Variants in TRDN observed in about 807,000 individuals in gnomAD.
TRDN encodes triadin in skeletal muscle.
Under a neutral mutation model 149.7 loss-of-function variants are expected in TRDN, and 161 were observed. The ratio of observed to expected loss-of-function variants is 1.08; its 90% CI spans 0.95 to 1.23. The LOEUF (loss-of-function observed/expected upper bound fraction) is 1.23. Among genes scored for constraint, TRDN ranks in the 50% most tolerant of loss-of-function variants. The pLI is 0.00. For synonymous variants in TRDN, 294 were observed against 250.5 expected (o/e 1.17, Z -1.64); for missense variants, 896 against 823.5 (o/e 1.09, Z -1.08).
intron 23 of TRDN, among the ~76,000 whole-genome samples, chr6:123,317,909 A>T (rs1779088591): frequency 6.6e-6 from 1 of 152,018 alleles, no homozygotes. Context: ...TGACTCTGCA[A>T]CTAGAGATAA....
chr6:123,604,821 A>G (rs944866301), intron 1 of TRDN, among the ~76,000 whole-genome samples: 2 of 140,944 alleles, frequency 1.4e-5, no homozygotes, highest in African/African-American at 5.1e-5. Flanking sequence ...TCTAGAAAGT[A>G]GGTAAATAAA....
At chr6:123,248,499 C>T (rs1199793025) in intron 38 of TRDN, among the ~76,000 whole-genome samples, 8 of 151,906 alleles carry the variant, frequency 5.3e-5, no homozygotes, top group Non-Finnish European at 8.8e-5. Flanking sequence ...AGAAGTTGCA[C>T]TGAGCTGAGA....
chr6:123,306,321 G>C (rs1482201142), intron 24 of TRDN, among the ~76,000 whole-genome samples: 1 of 152,060 alleles, frequency 6.6e-6, no homozygotes, highest in East Asian at 1.9e-4. Flanking sequence ...GAGACAACTA[G>C]GACAGGTTCA....
At chr6:123,460,679 G>A (rs986724372) in intron 10 of TRDN, among the ~76,000 whole-genome samples, 2 of 151,616 alleles carry the variant, frequency 1.3e-5, no homozygotes, top group Non-Finnish European at 2.9e-5. Context: ...ATATCTCACT[G>A]AGGAGCTAAG....
intron 1 of TRDN, among the ~76,000 whole-genome samples, chr6:123,618,817 TCTC>T (rs771362212): frequency 1.3e-5 from 2 of 152,180 alleles, no homozygotes; most frequent in African/African-American, 2.4e-5. Context: ...TGCTTTTTTC[TCTC>T]CTCCTCCTCT....
chr6:123,568,294 A>G (rs1782393248), intron 2 of TRDN, among the ~76,000 whole-genome samples: 1 of 152,188 alleles, frequency 6.6e-6, no homozygotes. Context: ...CACATTGTTG[A>G]GTGCCTGCAG....
chr6:123,392,952 T>C (rs937452564), intron 13 of TRDN, among the ~76,000 whole-genome samples: 2 of 152,076 alleles, frequency 1.3e-5, no homozygotes, highest in African/African-American at 4.8e-5. Context: ...GAAGAGATGA[T>C]AAAGATCTTC....
intron 9 of TRDN, among the ~76,000 whole-genome samples, chr6:123,466,142 T>C (rs1776797306): frequency 6.6e-6 from 1 of 152,186 alleles, no homozygotes; most frequent in Admixed American, 6.6e-5. Context: ...TAGAAAAATA[T>C]CCATTCATAA....
At chr6:123,554,174 T>C (rs536583269) in intron 2 of TRDN, among the ~76,000 whole-genome samples, 30 of 152,076 alleles carry the variant, frequency 2.0e-4, no homozygotes, top group Non-Finnish European at 3.8e-4. Flanking sequence ...TGGAACTAAA[T>C]TGAGGTAAAG....
intron 24 of TRDN, among the ~76,000 whole-genome samples, chr6:123,301,752 C>CATATATATATATATACAT (rs1562252153): frequency 5.2e-5 from 4 of 77,064 alleles, no homozygotes; most frequent in African/African-American, 1.8e-4. Flanking sequence ...TATATATATA[C>CATATATATATATATACAT]ATATATATAT....
rs553405317 is a variant in TRDN at position 123,595,139 on chromosome 6, T to A, written c.23-24007A>T. 2.6e-5 allele frequency among the ~76,000 whole-genome samples: 4 copies of A among 152,244 alleles called. No homozygotes were observed. The South Asian group carries it at 8.3e-4, about 31-fold the overall frequency. ...GTCCTGCAAATTATTTCTCATGAAA[T>A]TTAAACTGAGAATAATCTATAACAT... On this transcript the variant is annotated intron_variant, in intron 1 of 40. Coordinates refer to ENST00000334268, the MANE Select transcript of TRDN (RefSeq NM_006073.4).
intron 5 of TRDN, among the ~76,000 whole-genome samples, chr6:123,516,410 C>T (rs1462172827): frequency 6.6e-6 from 1 of 152,034 alleles, no homozygotes; most frequent in Non-Finnish European, 1.5e-5. Flanking sequence ...CATATCCAAG[C>T]ACAAACTAGT....
intron 12 of TRDN, among the ~76,000 whole-genome samples, chr6:123,433,164 T>A (rs895058949): frequency 0.095 from 5,400 of 57,050 alleles, 359 homozygotes; most frequent in African/African-American, 0.26. Flanking sequence ...ATATATATAA[T>A]ATATATATAT....
At chr6:123,506,022 G>A (rs1027044675) in intron 7 of TRDN, among the ~76,000 whole-genome samples, 1 of 152,000 alleles carries the variant, frequency 6.6e-6, no homozygotes, top group African/African-American at 2.4e-5. Context: ...AAACTCATAT[G>A]TTTCTGTGAC....
At chr6:123,527,714 T>C (rs1049709059) in intron 5 of TRDN, among the ~76,000 whole-genome samples, 13 of 151,828 alleles carry the variant, frequency 8.6e-5, no homozygotes, top group Admixed American at 2.6e-4. Context: ...TCTAAGCAAA[T>C]GTAATGTTCC....
At chr6:123,406,995 G>T (rs1270385059) in intron 12 of TRDN, among the ~76,000 whole-genome samples, 3 of 152,052 alleles carry the variant, frequency 2.0e-5, no homozygotes, top group Admixed American at 1.3e-4. Flanking sequence ...CAGGCTCCAA[G>T]CTCAGGGTGC....
chr6:123,492,931 C>T (rs896296469), intron 9 of TRDN, among the ~76,000 whole-genome samples: 2 of 152,028 alleles, frequency 1.3e-5, no homozygotes, highest in Non-Finnish European at 2.9e-5. Flanking sequence ...CTTTCTGTCT[C>T]AATCTCTCCC....
chr6:123,565,355 G>A (rs575680776), intron 2 of TRDN, among the ~76,000 whole-genome samples: 115 of 152,224 alleles, frequency 7.6e-4, no homozygotes, highest in South Asian at 7.1e-3. Context: ...TCTTCTTTGA[G>A]GAGAGAACTA....
intron 12 of TRDN, among the ~76,000 whole-genome samples, chr6:123,394,902 T>C (rs552605042): frequency 1.4e-4 from 21 of 152,244 alleles, no homozygotes; most frequent in African/African-American, 4.3e-4. Context: ...AGTACCATCT[T>C]TGTCAAACCT....
Sources: allele counts gnomAD v4.1 joint callset (sites outside exome capture counted in the v4.1 genomes callset), GRCh38; gene constraint gnomAD v4.1.1; transcripts MANE v1.5; gene names NCBI Gene and HGNC (gene_info 2026-07-23, HGNC 2026-07-21).